The following CREM variants were observed in gnomAD, a reference collection of about 807,000 sequenced individuals.
The protein encoded by CREM is cAMP-responsive element modulator.
CREM carries 13 observed loss-of-function variants against 37.3 expected under a neutral mutation model. The observed-to-expected ratio is 0.35, with a 90% CI of 0.23 to 0.55. CREM has a LOEUF of 0.55. Among genes scored for constraint, CREM ranks in the 20% least tolerant of loss-of-function variants. CREM has a pLI of 0.88. For synonymous variants in CREM, 124 were observed against 120.2 expected (o/e 1.03, Z -0.21); for missense variants, 296 against 362.3 (o/e 0.82, Z 1.49).
intron 2 of CREM, among the ~76,000 whole-genome samples, chr10:35,146,106 A>C (rs190187912): frequency 4.3e-4 from 65 of 152,360 alleles, no homozygotes; most frequent in African/African-American, 1.5e-3. Flanking sequence ...CATGTAGACT[A>C]TGCTAAATGA....
At chr10:35,187,978 C>T (rs1487089829) in intron 5 of CREM, among the ~76,000 whole-genome samples, 1 of 152,222 alleles carries the variant, frequency 6.6e-6, no homozygotes, top group African/African-American at 2.4e-5. Flanking sequence ...CTATGAATCT[C>T]AAACATTTCT....
At chr10:35,175,827 A>G (rs2094035807) in intron 3 of CREM, 1 of 1,604,326 alleles carries the variant, frequency 6.2e-7, no homozygotes, top group Admixed American at 1.7e-5. Flanking sequence ...TCCAGCTTTA[A>G]TCCTCAATGG....
At chr10:35,194,144 A>G (rs2095049141) in intron 6 of CREM, among the ~76,000 whole-genome samples, 1 of 143,868 alleles carries the variant, frequency 7.0e-6, no homozygotes, top group African/African-American at 2.5e-5. Context: ...TCTCAGTGGC[A>G]TGTCACTTAT....
chr10:35,201,603 G>A, intron 6 of CREM: 4 of 1,315,348 alleles, frequency 3.0e-6, no homozygotes, highest in Non-Finnish European at 4.2e-6. Context: ...GAGAGTTCTA[G>A]GAATTTTCTT....
At chr10:35,166,251 A>T (rs937097491) in intron 3 of CREM, among the ~76,000 whole-genome samples, 1 of 143,040 alleles carries the variant, frequency 7.0e-6, no homozygotes. Context: ...TAGCCACACT[A>T]TCTTAAAAAC....
chr10:35,192,489 C>T (rs1183798749), intron 6 of CREM, among the ~76,000 whole-genome samples: 1 of 152,146 alleles, frequency 6.6e-6, no homozygotes, highest in Non-Finnish European at 1.5e-5. Context: ...GCTGGGATTA[C>T]AGGCATGTAC....
intron 5 of CREM, chr10:35,179,980 G>T (rs1050184247): frequency 6.6e-6 from 1 of 152,276 alleles, no homozygotes; most frequent in Non-Finnish European, 1.5e-5. Flanking sequence ...GAGGAGAAAG[G>T]TTAGGGATAT....
chr10:35,131,239 G>T (rs576152817), intron 1 of CREM, among the ~76,000 whole-genome samples: 1 of 152,276 alleles, frequency 6.6e-6, no homozygotes, highest in East Asian at 1.9e-4. Flanking sequence ...ATAAAATCCT[G>T]TGAACGTTTA....
chr10:35,127,101 CGCCGCTGCTGAGCGGCGGT>C lies in CREM; in HGVS notation c.-146_-128del, dbSNP rs1195355259. 1.3e-5 allele frequency: 2 copies of C among 152,738 alleles called. No homozygotes were observed. Among genetic ancestry groups the C allele is most frequent in the African/African-American group, 4.8e-5 (2 of 41,412 alleles). 9.5% of individuals were successfully genotyped at this position (152,738 alleles called of 1,614,324 possible). On this transcript the variant is annotated 5_prime_UTR_variant, in exon 1 of 8. Transcript: ENST00000685392. ...CCGGCTCCGGGTTGCTGGGCGGCGG[CGCCGCTGCTGAGCGGCGGT>C]CGGGCTCGCCGTCTCCACCTCCTCG...
intron 2 of CREM, among the ~76,000 whole-genome samples, chr10:35,142,066 G>T (rs1189742575): frequency 6.6e-6 from 1 of 152,150 alleles, no homozygotes; most frequent in East Asian, 1.9e-4. Flanking sequence ...TCTAAACTTG[G>T]GGGTATCTAG....
intron 3 of CREM, among the ~76,000 whole-genome samples, chr10:35,171,034 G>C (rs143777616): frequency 6.6e-6 from 1 of 152,108 alleles, no homozygotes; most frequent in East Asian, 1.9e-4. Flanking sequence ...GGCCTGCCTA[G>C]AGTTTGGACA....
intron 1 of CREM, among the ~76,000 whole-genome samples, chr10:35,130,617 G>A (rs919773728): frequency 6.6e-6 from 1 of 152,170 alleles, no homozygotes; most frequent in Non-Finnish European, 1.5e-5. Flanking sequence ...CCTAATGTCA[G>A]AGGGCAGAGT....
intron 5 of CREM, among the ~76,000 whole-genome samples, chr10:35,186,604 A>G (rs956501496): frequency 6.9e-6 from 1 of 145,706 alleles, no homozygotes; most frequent in Admixed American, 7.0e-5. Flanking sequence ...ATGTTTTTAT[A>G]TATATTTATA....
At chr10:35,200,580 C>T (rs1435376972) in intron 6 of CREM, among the ~76,000 whole-genome samples, 1 of 152,102 alleles carries the variant, frequency 6.6e-6, no homozygotes, top group African/African-American at 2.4e-5. Flanking sequence ...GAGAAGGGAA[C>T]GTTTTTGGCA....
chr10:35,172,771 G>A (rs1236353043), intron 3 of CREM, among the ~76,000 whole-genome samples: 1 of 152,158 alleles, frequency 6.6e-6, no homozygotes, highest in African/African-American at 2.4e-5. Flanking sequence ...TGTTATTTGA[G>A]TGCCAAGATG....
intron 3 of CREM, among the ~76,000 whole-genome samples, chr10:35,164,271 A>G (rs2093432361): frequency 6.6e-6 from 1 of 152,252 alleles, no homozygotes; most frequent in African/African-American, 2.4e-5. Context: ...GCTTGCTTTT[A>G]TCCTCATAGT....
intron 6 of CREM, among the ~76,000 whole-genome samples, chr10:35,194,976 G>T (rs542326596): frequency 6.6e-6 from 1 of 151,862 alleles, no homozygotes; most frequent in Non-Finnish European, 1.5e-5. Flanking sequence ...TGAGAAACAA[G>T]AGCATTAAGA....
intron 1 of CREM, among the ~76,000 whole-genome samples, chr10:35,129,425 A>AC (rs2088862747): frequency 6.6e-6 from 1 of 152,198 alleles, no homozygotes; most frequent in African/African-American, 2.4e-5. Flanking sequence ...TAGGGTTATG[A>AC]CCATTTCATG....
intron 6 of CREM, among the ~76,000 whole-genome samples, chr10:35,202,445 A>G (rs1353485862): frequency 6.6e-6 from 1 of 152,196 alleles, no homozygotes; most frequent in Non-Finnish European, 1.5e-5. Flanking sequence ...TTTAAGAGAC[A>G]AGGTCTTGCT....
Sources: allele counts gnomAD v4.1 joint callset (sites outside exome capture counted in the v4.1 genomes callset), GRCh38; gene constraint gnomAD v4.1.1; transcripts MANE v1.5; gene names NCBI Gene and HGNC (gene_info 2026-07-23, HGNC 2026-07-21).